DENND4C: variants seen among roughly 807,000 people sequenced by gnomAD.
DENND4C encodes DENN domain containing 4C, also known as DENN domain-containing protein 4C.
Under a neutral mutation model 203.0 loss-of-function variants are expected in DENND4C, and 108 were observed. The observed-to-expected ratio is 0.53, with a 90% CI of 0.46 to 0.62. DENND4C has a LOEUF of 0.62. DENND4C is among the 20% of genes least tolerant of loss of function. The pLI, the probability that DENND4C is intolerant of heterozygous loss-of-function variation, is 0.00. For synonymous variants in DENND4C, 871 were observed against 792.4 expected (o/e 1.10, Z -1.67); for missense variants, 2,481 against 2,301.2 (o/e 1.08, Z -1.60).
rs115251112 is a variant in DENND4C at position 19,260,737 on chromosome 9, C to T, written c.-17-15421C>T. ...AATACCTTATCAAATGGATAGTTTG[C>T]AAATATTTTCTCCCATCTGTAGGTT... On this transcript the variant is annotated intron_variant, in intron 1 of 32. Transcript: ENST00000434457. Among the ~76,000 whole-genome samples, 1,049 of 152,280 alleles carry T rather than the reference C, an allele frequency of 6.9e-3. 10 individuals are homozygous for T. Among genetic ancestry groups the T allele is most frequent in the African/African-American group, 0.024 (998 of 41,554 alleles).
At chr9:19,241,051 C>T (rs769543932) in intron 1 of DENND4C, among the ~76,000 whole-genome samples, 4 of 152,152 alleles carry the variant, frequency 2.6e-5, no homozygotes, top group Non-Finnish European at 5.9e-5. Flanking sequence ...TATAATAGGG[C>T]ACTTACCACG....
intron 2 of DENND4C, among the ~76,000 whole-genome samples, chr9:19,280,566 C>G (rs1833850686): frequency 6.6e-6 from 1 of 151,806 alleles, no homozygotes; most frequent in South Asian, 2.1e-4. Context: ...CTATGGTTTC[C>G]TTAAGAAGAT....
intron 20 of DENND4C, chr9:19,337,692 G>C: frequency 1.6e-6 from 2 of 1,284,446 alleles, no homozygotes; most frequent in South Asian, 2.5e-5. Flanking sequence ...CATTTATTAG[G>C]TTAAATTTTG....
At chr9:19,257,219 G>T (rs766602582) in intron 1 of DENND4C, among the ~76,000 whole-genome samples, 1 of 151,674 alleles carries the variant, frequency 6.6e-6, no homozygotes, top group Admixed American at 6.6e-5. Context: ...GGCCGGGTGC[G>T]GTGGCTTGCA....
At chr9:19,326,386 T>G (rs1817836218) in intron 15 of DENND4C, among the ~76,000 whole-genome samples, 192 bp downstream of exon 15, 1 of 152,166 alleles carries the variant, frequency 6.6e-6, no homozygotes, top group South Asian at 2.1e-4. Flanking sequence ...TGTCAGATGT[T>G]GATCATTGTT....
At chr9:19,299,604 A>G (rs2131303217) in intron 8 of DENND4C, among the ~76,000 whole-genome samples, 1 of 152,224 alleles carries the variant, frequency 6.6e-6, no homozygotes, top group African/African-American at 2.4e-5. Context: ...AACCTTTTAA[A>G]TGTCTCAAAT....
In DENND4C at chr9:19,300,175, T is replaced by C; in HGVS notation, c.1167-12T>C. ...GTTCACAATGATCTACTTTTCTCTT[T>C]TTTTTCCCTAGTGGAGCCAACTTTA... is the stretch of plus-strand genomic sequence containing the variant. On this transcript the variant is annotated splice_polypyrimidine_tract_variant and intron_variant, in intron 8 of 32. Coordinates refer to ENST00000434457, the MANE Select transcript of DENND4C (RefSeq NM_001330640.2). The C allele has an allele frequency of 1.3e-6, 2 of 1,583,708 alleles. No individual in the cohort carries two copies. The highest frequency in any genetic ancestry group is 1.7e-6 in the Non-Finnish European group (2 of 1,158,928).
chr9:19,361,211 C>T (rs904004953), intron 29 of DENND4C, among the ~76,000 whole-genome samples: 3 of 152,116 alleles, frequency 2.0e-5, no homozygotes, highest in Admixed American at 2.0e-4. Context: ...ATTCTCACAA[C>T]CACCTTATTT....
chr9:19,285,576 CTTT>C (rs61396893), intron 2 of DENND4C, among the ~76,000 whole-genome samples: 9 of 135,842 alleles, frequency 6.6e-5, no homozygotes, highest in Non-Finnish European at 1.1e-4. Flanking sequence ...GTCTTTGTGA[CTTT>C]TTTTTTTTTT....
chr9:19,336,820 C>G lies in DENND4C; in HGVS notation c.2869C>G (p.His957Asp). 2.6e-6 allele frequency: 4 copies of G among 1,549,070 alleles called. No homozygotes were observed. Among genetic ancestry groups the G allele is most frequent in the Non-Finnish European group, 3.5e-6 (4 of 1,146,442 alleles). Residue 957 changes from histidine (H) to aspartate (D), a missense_variant, in exon 20 of 33, where the codon CAC becomes GAC. Physicochemically the swap from His to Asp is moderately conservative, Grantham distance 81 (BLOSUM62 -1). Around this residue, in one of 3 missense-constraint regions of DENND4C, gnomAD observed 2,289 missense variants for 2,113.3 expected, o/e 1.08. Coordinates refer to ENST00000434457, the MANE Select transcript of DENND4C (RefSeq NM_001330640.2). The stretch of plus-strand genomic sequence containing the variant: ...AATCAGGCTTGAGTCCATTGATAAT[C>G]ACTCTAGCACAGGTACTAAAATCCA... ...DLIRLESIDN[H>D]SSTGGQSDQG...
At chr9:19,231,470 C>G (rs1820536266) in intron 1 of DENND4C, among the ~76,000 whole-genome samples, 1 of 151,974 alleles carries the variant, frequency 6.6e-6, no homozygotes. Flanking sequence ...AAACACAAAA[C>G]CAAGGAATGA....
chr9:19,234,677 G>C (rs919357521), intron 1 of DENND4C, among the ~76,000 whole-genome samples: 1 of 151,724 alleles, frequency 6.6e-6, no homozygotes, highest in South Asian at 2.1e-4. Context: ...ATAGGTGCGC[G>C]TGCATGTGCG....
intron 1 of DENND4C, among the ~76,000 whole-genome samples, chr9:19,243,863 G>A (rs1824400305): frequency 6.6e-6 from 1 of 152,142 alleles, no homozygotes; most frequent in Non-Finnish European, 1.5e-5. Context: ...CCAGACTGGA[G>A]TACAGTGGCA....
Position 19,317,166 on chromosome 9 carries a change from C to G in DENND4C, c.1807+327C>G, listed in dbSNP as rs141836686. 7.5e-3 allele frequency among the ~76,000 whole-genome samples: 1,109 copies of G among 148,716 alleles called. 17 individuals are homozygous for G. Among genetic ancestry groups the G allele is most frequent in the African/African-American group, 0.027 (1,073 of 40,476 alleles). ...GGTATTTCCTCAATTTTGCATAGTT[C>G]CTTGGATTTGTACACTTTTTTTTTT... is the stretch of plus-strand genomic sequence containing the variant. On this transcript the variant is annotated intron_variant, in intron 12 of 32. Transcript: ENST00000434457.
intron 2 of DENND4C, among the ~76,000 whole-genome samples, chr9:19,285,591 T>C (rs576156605): frequency 2.6e-5 from 4 of 151,784 alleles, no homozygotes; most frequent in Admixed American, 2.6e-4. Context: ...TTTTTTTTTT[T>C]CACTTAACAT....
In DENND4C at chr9:19,346,983, G is replaced by A; in HGVS notation, c.4214G>A (p.Gly1405Glu). 1 of 1,614,088 alleles carries A rather than the reference G, an allele frequency of 6.2e-7. No homozygotes were observed. Among genetic ancestry groups the A allele is most frequent in the Non-Finnish European group, 8.5e-7 (1 of 1,180,016 alleles). ...CTAAAGCTGGATAATATACTCTCAG[G>A]GCCCAAGATAGATGTCCTGAAATCT... ...SGLKLDNILS[G>E]PKIDVLKSGM... Residue 1405 changes from glycine (G) to glutamate (E), a missense_variant, in exon 23 of 33, where the codon GGG becomes GAG. Physicochemically the swap from Gly to Glu is moderately conservative, Grantham distance 98 (BLOSUM62 -2). Around this residue, in one of 3 missense-constraint regions of DENND4C, gnomAD observed 2,289 missense variants for 2,113.3 expected, o/e 1.08. Transcript: ENST00000434457.
intron 30 of DENND4C, among the ~76,000 whole-genome samples, chr9:19,366,610 G>C (rs1827739875): frequency 6.6e-6 from 1 of 152,002 alleles, no homozygotes; most frequent in Admixed American, 6.6e-5. Context: ...TCAAAAAAAA[G>C]AATAGTCTTT....
chr9:19,264,375 C>G (rs181265841), intron 1 of DENND4C, among the ~76,000 whole-genome samples: 1 of 151,702 alleles, frequency 6.6e-6, no homozygotes. Flanking sequence ...GGCGCAATTT[C>G]GGCTCACTAC....
At chr9:19,250,074 G>A (rs989015542) in intron 1 of DENND4C, among the ~76,000 whole-genome samples, 1 of 152,128 alleles carries the variant, frequency 6.6e-6, no homozygotes, top group African/African-American at 2.4e-5. Context: ...AAGGTGGGAC[G>A]ATTGCATGAG....
Sources: gnomAD v4.1 joint callset for allele counts (sites outside exome capture counted in the v4.1 genomes callset) on GRCh38, gnomAD v4.1.1 for gene constraint, gnomAD v4.1.1 regional missense constraint, MANE v1.5 for transcripts, NCBI Gene and HGNC (gene_info 2026-07-23, HGNC 2026-07-21) for gene names.